SIMC1: variants seen among roughly 807,000 people sequenced by gnomAD.
The protein encoded by SIMC1 is SUMO-interacting motif-containing protein 1.
In SIMC1, 55 loss-of-function variants were observed where a neutral mutation model predicts 82.3. The ratio of observed to expected loss-of-function variants is 0.67; its 90% CI spans 0.54 to 0.84. SIMC1 has a LOEUF of 0.84. Among genes scored for constraint, SIMC1 ranks in the 40% least tolerant of loss-of-function variants. The probability of loss-of-function intolerance (pLI) is 0.00; values close to 1 mark genes in which losing one functional copy is unlikely to be tolerated. For missense variants in SIMC1, 915 were observed against 1,107.2 expected (o/e 0.83, Z 2.46); for synonymous variants, 353 against 426.3 (o/e 0.83, Z 2.12).
chr5:176,275,838 G>T (rs370840166), intron 1 of SIMC1, among the ~76,000 whole-genome samples: 1 of 151,604 alleles, frequency 6.6e-6, no homozygotes, highest in Admixed American at 6.6e-5. Context: ...GATCATGGTG[G>T]ATAAGCTTTT....
intron 6 of SIMC1, among the ~76,000 whole-genome samples, chr5:176,324,057 T>C (rs1031521954): frequency 2.0e-5 from 3 of 150,936 alleles, no homozygotes; most frequent in African/African-American, 4.9e-5. Flanking sequence ...CTCACCTTTC[T>C]GAGAGGTTGC....
At chr5:176,253,556 C>T (rs1006968518) in intron 1 of SIMC1, among the ~76,000 whole-genome samples, 16 of 152,044 alleles carry the variant, frequency 1.1e-4, no homozygotes, top group Non-Finnish European at 2.1e-4. Flanking sequence ...ATGGACCTAT[C>T]CTGGATTGTT....
intron 1 of SIMC1, among the ~76,000 whole-genome samples, chr5:176,272,196 AAAGGT>A: frequency 6.9e-6 from 1 of 144,512 alleles, no homozygotes; most frequent in Non-Finnish European, 1.5e-5. Context: ...AAAAAAAAAA[AAAGGT>A]GGGCATGGTG....
intron 1 of SIMC1, among the ~76,000 whole-genome samples, chr5:176,271,043 C>T (rs1762403761): frequency 6.6e-6 from 1 of 152,136 alleles, no homozygotes; most frequent in South Asian, 2.1e-4. Flanking sequence ...CTTCAGGCAG[C>T]ACAACTCACA....
intron 1 of SIMC1, among the ~76,000 whole-genome samples, chr5:176,285,516 C>G (rs1002829243): frequency 6.6e-6 from 1 of 152,102 alleles, no homozygotes; most frequent in Non-Finnish European, 1.5e-5. Flanking sequence ...TTATGACAAA[C>G]CCACAGCCAA....
intron 7 of SIMC1, among the ~76,000 whole-genome samples, chr5:176,325,385 C>CA (rs1476746212): frequency 4.0e-5 from 6 of 149,654 alleles, no homozygotes; most frequent in African/African-American, 1.5e-4. Flanking sequence ...GACTCCATCT[C>CA]AAAAAAAATA....
At chr5:176,301,180 G>C (rs1278767035) in intron 4 of SIMC1, among the ~76,000 whole-genome samples, 2 of 152,136 alleles carry the variant, frequency 1.3e-5, no homozygotes, top group Admixed American at 6.5e-5. Context: ...ACGTGTTATG[G>C]GAGGGACCTG....
At chr5:176,278,056 T>G (rs566800672) in intron 1 of SIMC1, among the ~76,000 whole-genome samples, 1 of 126,712 alleles carries the variant, frequency 7.9e-6, no homozygotes, top group Non-Finnish European at 1.7e-5. Flanking sequence ...GCCATTTTCA[T>G]GATATTGATT....
intron 9 of SIMC1, among the ~76,000 whole-genome samples, chr5:176,342,056 T>G (rs1766174297): frequency 6.6e-6 from 1 of 152,228 alleles, no homozygotes; most frequent in Non-Finnish European, 1.5e-5. Context: ...TTAACTTTCC[T>G]GCATGATTTA....
intron 3 of SIMC1, 45 bp downstream of exon 3, chr5:176,295,307 T>C: frequency 6.4e-7 from 1 of 1,558,130 alleles, no homozygotes; most frequent in Non-Finnish European, 8.7e-7. Flanking sequence ...TCTAGGGATC[T>C]TGGACTCAGG....
At chr5:176,291,473 A>G (rs1167689452) in intron 2 of SIMC1, among the ~76,000 whole-genome samples, 2 of 151,376 alleles carry the variant, frequency 1.3e-5, no homozygotes, top group East Asian at 2.0e-4. Context: ...AGTAGCTGGG[A>G]CTATAGGCGC....
chr5:176,320,122 C>T (rs1765094361), intron 5 of SIMC1, among the ~76,000 whole-genome samples: 1 of 152,098 alleles, frequency 6.6e-6, no homozygotes, highest in South Asian at 2.1e-4. Flanking sequence ...TTGGAAGACA[C>T]GTGTGAGAAG....
chr5:176,308,277 T>C, intron 4 of SIMC1: 1 of 1,483,300 alleles, frequency 6.7e-7, no homozygotes, highest in Non-Finnish European at 9.4e-7. Flanking sequence ...ATCAGAATTG[T>C]TCACATTCGT....
At chr5:176,301,905 A>G (rs1764058879) in intron 4 of SIMC1, among the ~76,000 whole-genome samples, 1 of 152,224 alleles carries the variant, frequency 6.6e-6, no homozygotes, top group African/African-American at 2.4e-5. Flanking sequence ...CATTAAAAGG[A>G]TATGCAGTCA....
rs1763475065 is a variant in SIMC1, at chr5:176,290,052, A to G, written c.528A>G (p.Leu176=). 6.2e-7 allele frequency: 1 copy of G among 1,611,902 alleles called. No individual in the cohort carries two copies. Among genetic ancestry groups the G allele is most frequent in the Non-Finnish European group, 8.5e-7 (1 of 1,178,916 alleles). The change falls in exon 2 of 10, where the codon CTA becomes CTG. Residue 176 remains leucine, a synonymous_variant. Transcript: ENST00000429602. ...FTGNLSFLAS[L]QLSSDVSSLS... is the part of the protein sequence containing the mutation. ...GTAACCTCAGCTTCTTGGCAAGTCT[A>G]CAGCTGTCTTCAGATGTTAGCTCCC...
intron 9 of SIMC1, among the ~76,000 whole-genome samples, chr5:176,342,882 A>G (rs974496638): frequency 2.0e-5 from 3 of 152,196 alleles, no homozygotes; most frequent in Non-Finnish European, 4.4e-5. Flanking sequence ...TGCAACTAGA[A>G]TATCAGTCCA....
intron 9 of SIMC1, among the ~76,000 whole-genome samples, chr5:176,343,251 G>C (rs1320860039): frequency 6.6e-6 from 1 of 152,142 alleles, no homozygotes; most frequent in Non-Finnish European, 1.5e-5. Context: ...CCTAAATCTG[G>C]ATACAGTGTA....
intron 1 of SIMC1, among the ~76,000 whole-genome samples, chr5:176,257,921 A>C (rs55874346): frequency 0.14 from 21,966 of 152,198 alleles, 1,595 homozygotes; most frequent in Middle Eastern, 0.21. Flanking sequence ...TTGTGACAAT[A>C]AAAAATGTCT....
intron 4 of SIMC1, among the ~76,000 whole-genome samples, chr5:176,306,781 C>T (rs1344350032): frequency 1.3e-5 from 2 of 150,204 alleles, no homozygotes; most frequent in Non-Finnish European, 3.0e-5. Flanking sequence ...ACTGCGGAGG[C>T]CGCAGGGTCC....
Sources: gnomAD v4.1 joint callset for allele counts (sites outside exome capture counted in the v4.1 genomes callset) on GRCh38, gnomAD v4.1.1 for gene constraint, MANE v1.5 for transcripts, NCBI Gene and HGNC (gene_info 2026-07-23, HGNC 2026-07-21) for gene names.